The following KANSL1 variants were observed in gnomAD, a reference collection of about 807,000 sequenced individuals.
The protein encoded by KANSL1 is MLL1/MLL complex subunit KANSL1.
In KANSL1, 22 loss-of-function variants were observed where a neutral mutation model predicts 103.6. The ratio of observed to expected loss-of-function variants is 0.21; its 90% CI spans 0.15 to 0.30. KANSL1 has a LOEUF of 0.30. Among genes scored for constraint, KANSL1 ranks in the 10% least tolerant of loss-of-function variants. KANSL1 has a pLI of 1.00. For synonymous variants in KANSL1, 600 were observed against 527.6 expected (o/e 1.14, Z -1.88); for missense variants, 1,337 against 1,399.8 (o/e 0.96, Z 0.72).
intron 4 of KANSL1, among the ~76,000 whole-genome samples, chr17:46,070,117 AC>A (rs2078522152): frequency 6.6e-6 from 1 of 152,208 alleles, no homozygotes; most frequent in South Asian, 2.1e-4. Context: ...TTAAAAATCT[AC>A]CCTAAAGGAG....
At chr17:46,093,493 AT>A (rs1303348234) in intron 3 of KANSL1, 7 of 152,616 alleles carry the variant, frequency 4.6e-5, no homozygotes, top group Non-Finnish European at 7.3e-5. Context: ...GAATATATAT[AT>A]ATATATGTAT....
chr17:46,221,423 G>C (rs2048530573), intron 1 of KANSL1: 1 of 150,790 alleles, frequency 6.6e-6, no homozygotes, highest in Non-Finnish European at 1.5e-5. Flanking sequence ...CTGACAACTA[G>C]ACCCTAGTAA....
chr17:46,078,809 T>C (rs1375773747), intron 4 of KANSL1, among the ~76,000 whole-genome samples: 1 of 152,206 alleles, frequency 6.6e-6, no homozygotes, highest in African/African-American at 2.4e-5. Flanking sequence ...AAGAGGCATG[T>C]TTCAATACAC....
intron 2 of KANSL1, among the ~76,000 whole-genome samples, chr17:46,146,832 CAAAAA>C (rs1023164178): frequency 1.1e-4 from 4 of 37,326 alleles, no homozygotes; most frequent in African/African-American, 3.3e-4. Context: ...GACTCCGTCT[CAAAAA>C]AAAAAAAAAA....
chr17:46,104,098 A>T (rs1470602519), intron 2 of KANSL1, among the ~76,000 whole-genome samples: 1 of 152,074 alleles, frequency 6.6e-6, no homozygotes, highest in Admixed American at 6.6e-5. Context: ...CAGCTGATAA[A>T]TTTTTTTTGT....
chr17:46,106,798 C>T (rs981039529), intron 2 of KANSL1, among the ~76,000 whole-genome samples: 33 of 150,316 alleles, frequency 2.2e-4, no homozygotes, highest in Non-Finnish European at 4.0e-4. Flanking sequence ...AATAAACTTA[C>T]CAGTTCTTAA....
At chr17:46,033,221 T>TC (rs754089971) in intron 12 of KANSL1, 29 bp from the exon 13 acceptor site, 1 of 1,545,844 alleles carries the variant, frequency 6.5e-7, no homozygotes. Context: ...ATCGATCCCC[T>TC]CTTTTCTCCA....
chr17:46,122,018 G>A (rs181588261), intron 2 of KANSL1, among the ~76,000 whole-genome samples: 166 of 152,246 alleles, frequency 1.1e-3, no homozygotes, highest in Non-Finnish European at 1.3e-3. Context: ...CAACGGCTGT[G>A]GGTACTCAAA....
At chr17:46,218,370 C>T (rs1176945690) in intron 1 of KANSL1, among the ~76,000 whole-genome samples, 1 of 152,246 alleles carries the variant, frequency 6.6e-6, no homozygotes, top group Non-Finnish European at 1.5e-5. Flanking sequence ...TAGGTACTAT[C>T]ATTATACCCT....
Position 46,050,418 on chromosome 17 carries a change from C to A in KANSL1, c.2020+115G>T, listed in dbSNP as rs1400580202. Reference sequence around the variant, plus strand: ...AAATTCTAAGAGAAGACTTGGTTGACGAAAGTTGTACCTTGAAAGTATCTG... The same window carrying A: ...AAATTCTAAGAGAAGACTTGGTTGAAGAAAGTTGTACCTTGAAAGTATCTG... On this transcript the variant is annotated intron_variant, in intron 7 of 14. Transcript: ENST00000432791. The A allele has an allele frequency of 1.1e-5, 12 of 1,096,154 alleles. No individual in the cohort carries two copies. The Middle Eastern group carries it at 6.3e-4, about 57-fold the overall frequency. The allele number at this position is 1,096,154 out of a possible 1,614,324, so 67.9% of individuals were successfully genotyped here.
At chr17:46,134,606 G>A (rs1481663895) in intron 2 of KANSL1, among the ~76,000 whole-genome samples, 4 of 152,066 alleles carry the variant, frequency 2.6e-5, no homozygotes, top group African/African-American at 9.7e-5. Flanking sequence ...TTGGGAGGCC[G>A]AGGCAGGTGG....
At chr17:46,057,980 C>A (rs968750866) in intron 6 of KANSL1, among the ~76,000 whole-genome samples, 11 of 152,168 alleles carry the variant, frequency 7.2e-5, no homozygotes, top group South Asian at 2.1e-4. Flanking sequence ...TCTAAGACTG[C>A]CCTGGTTTTC....
At chr17:46,128,558 G>GT (rs1238734430) in intron 2 of KANSL1, among the ~76,000 whole-genome samples, 3 of 152,230 alleles carry the variant, frequency 2.0e-5, no homozygotes, top group Admixed American at 6.5e-5. Flanking sequence ...TCCTTGTACA[G>GT]TTGACAGTCA....
At chr17:46,065,131 G>A (rs568428372) in intron 6 of KANSL1, among the ~76,000 whole-genome samples, 1 of 137,818 alleles carries the variant, frequency 7.3e-6, no homozygotes, top group South Asian at 2.3e-4. Context: ...CTCGCCCACA[G>A]CAGGCTTTTT....
chr17:46,032,758 T>C (rs1003904213), intron 13 of KANSL1, among the ~76,000 whole-genome samples: 7 of 152,160 alleles, frequency 4.6e-5, no homozygotes, highest in Non-Finnish European at 7.3e-5. Flanking sequence ...GGTTAACTTG[T>C]AGCGAGGCCT....
At chr17:46,136,121 T>G (rs1057405556) in intron 2 of KANSL1, among the ~76,000 whole-genome samples, 1 of 152,126 alleles carries the variant, frequency 6.6e-6, no homozygotes, top group African/African-American at 2.4e-5. Context: ...AGCTGGGCAC[T>G]GCATCCTCTC....
At chr17:46,102,875 T>TA (rs1341492826) in intron 2 of KANSL1, among the ~76,000 whole-genome samples, 2 of 152,174 alleles carry the variant, frequency 1.3e-5, no homozygotes, top group Non-Finnish European at 2.9e-5. Context: ...AAATATACGA[T>TA]AAGAGATCCT....
At chr17:46,169,795 G>A (rs2046187891) in intron 2 of KANSL1, among the ~76,000 whole-genome samples, 2 of 152,306 alleles carry the variant, frequency 1.3e-5, no homozygotes, top group South Asian at 4.1e-4. Flanking sequence ...GGGAGTGACA[G>A]GAATGAAACG....
At chr17:46,063,462 T>C (rs924111522) in intron 6 of KANSL1, among the ~76,000 whole-genome samples, 2 of 152,186 alleles carry the variant, frequency 1.3e-5, no homozygotes, top group Non-Finnish European at 2.9e-5. Context: ...TGAGGAGCCA[T>C]GTGAGACACA....
Sources: gnomAD v4.1 joint callset for allele counts (sites outside exome capture counted in the v4.1 genomes callset) on GRCh38, gnomAD v4.1.1 for gene constraint, MANE v1.5 for transcripts, NCBI Gene and HGNC (gene_info 2026-07-23, HGNC 2026-07-21) for gene names.